The following SGCZ variants were observed in gnomAD, a reference collection of about 807,000 sequenced individuals.
The protein encoded by SGCZ is zeta-sarcoglycan.
SGCZ carries 40 observed loss-of-function variants against 41.3 expected under a neutral mutation model. That is an observed-to-expected ratio of 0.97 (90% CI 0.75 to 1.26). The LOEUF is 1.26. Ranked by LOEUF, SGCZ falls within the 50% of genes most tolerant of loss-of-function variation. The pLI is 0.00. For synonymous variants in SGCZ, 206 were observed against 137.5 expected, an observed-to-expected ratio of 1.50 and a Z score of -3.49; for missense variants, 552 against 369.8, an observed-to-expected ratio of 1.49 and a Z score of -4.04.
chr8:15,185,320 G>A (rs1800299879), intron 1 of SGCZ, among the ~76,000 whole-genome samples: 1 of 152,178 alleles, frequency 6.6e-6, no homozygotes, highest in South Asian at 2.1e-4. Flanking sequence ...CACTAGAAAT[G>A]TATGAGAATT....
chr8:15,118,463 T>C (rs546501426), intron 1 of SGCZ, among the ~76,000 whole-genome samples: 1 of 152,100 alleles, frequency 6.6e-6, no homozygotes, highest in African/African-American at 2.4e-5. Context: ...AAGCTTCTGG[T>C]TGGAAGGTCT....
intron 2 of SGCZ, among the ~76,000 whole-genome samples, chr8:14,428,722 T>C (rs1416000577): frequency 2.0e-5 from 3 of 152,254 alleles, no homozygotes; most frequent in African/African-American, 7.2e-5. Context: ...GGTCATGTTC[T>C]TTAAGAAGGC....
intron 1 of SGCZ, among the ~76,000 whole-genome samples, chr8:15,112,717 G>T (rs1342485580): frequency 6.6e-6 from 1 of 152,176 alleles, no homozygotes; most frequent in African/African-American, 2.4e-5. Flanking sequence ...ACATCCTCAA[G>T]TGAGCTCTCA....
intron 1 of SGCZ, among the ~76,000 whole-genome samples, chr8:14,683,937 T>C (rs570004475): frequency 3.3e-5 from 5 of 152,298 alleles, no homozygotes; most frequent in Non-Finnish European, 7.4e-5. Context: ...TTTCACATTT[T>C]AAAATATCTA....
intron 1 of SGCZ, among the ~76,000 whole-genome samples, chr8:14,709,702 A>G (rs533973703): frequency 1.3e-5 from 2 of 152,284 alleles, no homozygotes; most frequent in East Asian, 1.9e-4. Flanking sequence ...AAGACAAACT[A>G]TTTAAAACTA....
intron 2 of SGCZ, among the ~76,000 whole-genome samples, chr8:14,408,648 T>G (rs1799274485): frequency 6.6e-6 from 1 of 152,190 alleles, no homozygotes; most frequent in Admixed American, 6.6e-5. Context: ...TCATTGCATT[T>G]GGATGGTCCC....
At chr8:15,090,734 C>T (rs1806126219) in intron 1 of SGCZ, among the ~76,000 whole-genome samples, 1 of 152,060 alleles carries the variant, frequency 6.6e-6, no homozygotes, top group Non-Finnish European at 1.5e-5. Flanking sequence ...ATGTGTGAGT[C>T]GATAAAACAC....
At chr8:14,589,198 G>A (rs528176842) in intron 1 of SGCZ, among the ~76,000 whole-genome samples, 1 of 151,704 alleles carries the variant, frequency 6.6e-6, no homozygotes, top group Non-Finnish European at 1.5e-5. Flanking sequence ...TAAAAAAAAC[G>A]AGCTGGGTGT....
At chr8:14,428,530 A>G (rs1014063839) in intron 2 of SGCZ, among the ~76,000 whole-genome samples, 3 of 152,220 alleles carry the variant, frequency 2.0e-5, no homozygotes, top group African/African-American at 7.2e-5. Context: ...TAATTTTACT[A>G]ACGATTGGTT....
At chr8:14,310,029 T>C (rs1193036700) in intron 3 of SGCZ, among the ~76,000 whole-genome samples, 1 of 152,102 alleles carries the variant, frequency 6.6e-6, no homozygotes, top group Non-Finnish European at 1.5e-5. Flanking sequence ...GGCATTTCTA[T>C]ACTTTACAGG....
At chr8:14,887,271 G>A (rs548523627) in intron 1 of SGCZ, among the ~76,000 whole-genome samples, 1 of 152,162 alleles carries the variant, frequency 6.6e-6, no homozygotes, top group Admixed American at 6.5e-5. Context: ...TCATATTTTT[G>A]TCATTTGCTT....
chr8:14,925,561 G>T (rs1799721737), intron 1 of SGCZ, among the ~76,000 whole-genome samples: 1 of 152,152 alleles, frequency 6.6e-6, no homozygotes, highest in Non-Finnish European at 1.5e-5. Flanking sequence ...AAATTCTGGA[G>T]ACCTACAGCT....
intron 6 of SGCZ, among the ~76,000 whole-genome samples, chr8:14,104,028 A>G (rs1000550927): frequency 3.9e-5 from 6 of 152,162 alleles, no homozygotes; most frequent in African/African-American, 1.4e-4. Context: ...CTTGTATGGA[A>G]AGTCTCCTGT....
At chr8:14,328,746 G>C (rs1451053877) in intron 2 of SGCZ, among the ~76,000 whole-genome samples, 1 of 152,122 alleles carries the variant, frequency 6.6e-6, no homozygotes, top group African/African-American at 2.4e-5. Context: ...TAAAATTTAG[G>C]TGTTGAAACT....
chr8:14,516,345 T>C (rs1375504147), intron 2 of SGCZ, among the ~76,000 whole-genome samples: 1 of 151,996 alleles, frequency 6.6e-6, no homozygotes, highest in East Asian at 1.9e-4. Flanking sequence ...TCCTTCTTCG[T>C]GTTAATAAGT....
chr8:14,640,904 A>G (rs1485484268), intron 1 of SGCZ, among the ~76,000 whole-genome samples: 1 of 151,684 alleles, frequency 6.6e-6, no homozygotes, highest in Non-Finnish European at 1.5e-5. Flanking sequence ...CTTATTTAGA[A>G]TATCTGGAAA....
intron 1 of SGCZ, among the ~76,000 whole-genome samples, chr8:15,100,306 C>T (rs1806555217): frequency 6.6e-6 from 1 of 151,980 alleles, no homozygotes; most frequent in East Asian, 1.9e-4. Flanking sequence ...TATATTTCAG[C>T]ACCAAAAAAA....
At chr8:15,005,332 T>G (rs138393464) in intron 1 of SGCZ, among the ~76,000 whole-genome samples, 71,418 of 129,940 alleles carry the variant, frequency 0.55, 18,050 homozygotes, top group South Asian at 0.62. Flanking sequence ...CTTTTTCTTT[T>G]TTTTTTTTTT....
chr8:14,091,896 T>C (rs1029247122), intron 7 of SGCZ, among the ~76,000 whole-genome samples: 1 of 152,176 alleles, frequency 6.6e-6, no homozygotes, highest in Non-Finnish European at 1.5e-5. Context: ...CCCATGCCTA[T>C]GTCCTGAATG....
Sources: gnomAD v4.1 joint callset for allele counts (sites outside exome capture counted in the v4.1 genomes callset) on GRCh38, gnomAD v4.1.1 for gene constraint, MANE v1.5 for transcripts, NCBI Gene and HGNC (gene_info 2026-07-23, HGNC 2026-07-21) for gene names.